The following CFAP210 variants were observed in gnomAD, a reference collection of about 807,000 sequenced individuals.
CFAP210 encodes the protein cilia- and flagella- associated protein 210.
the CFAP210 span, among the ~76,000 whole-genome samples, chr2:169,667,295 T>G: frequency 7.2e-5 from 11 of 151,962 alleles, no homozygotes; most frequent in Admixed American, 1.3e-4. Context: ...CCCGCCACCA[T>G]GCCTGGCTAA....
chr2:169,686,402 C>G, the CFAP210 span, among the ~76,000 whole-genome samples: 1 of 135,248 alleles, frequency 7.4e-6, no homozygotes, highest in Non-Finnish European at 1.6e-5. Flanking sequence ...GTATTGCCAT[C>G]TGTCTTAGTC....
chr2:169,648,958 T>C, the CFAP210 span, among the ~76,000 whole-genome samples: 13 of 152,308 alleles, frequency 8.5e-5, no homozygotes, highest in Non-Finnish European at 1.8e-4. Context: ...TGAAGTATAA[T>C]AGACACTAAA....
At chr2:169,671,277 C>T in the CFAP210 span, among the ~76,000 whole-genome samples, 4 of 152,148 alleles carry the variant, frequency 2.6e-5, no homozygotes, top group Non-Finnish European at 4.4e-5. Context: ...CTCTACAGCC[C>T]ACTTTTAGCA....
chr2:169,660,324 A>G, the CFAP210 span, among the ~76,000 whole-genome samples: 1 of 151,482 alleles, frequency 6.6e-6, no homozygotes, highest in African/African-American at 2.4e-5. Context: ...CAGGAGGCAG[A>G]GGTTGCAGTG....
chr2:169,688,916 G>A, the CFAP210 span, among the ~76,000 whole-genome samples: 10 of 152,126 alleles, frequency 6.6e-5, no homozygotes, highest in East Asian at 1.9e-4. Context: ...GTATTAGTCC[G>A]TTTTCACACT....
the CFAP210 span, among the ~76,000 whole-genome samples, chr2:169,654,804 T>G: frequency 6.6e-6 from 1 of 152,056 alleles, no homozygotes; most frequent in Non-Finnish European, 1.5e-5. Flanking sequence ...AATATAAAGT[T>G]CATTTAATGT....
At chr2:169,686,942 C>T in the CFAP210 span, among the ~76,000 whole-genome samples, 1 of 152,168 alleles carries the variant, frequency 6.6e-6, no homozygotes, top group African/African-American at 2.4e-5. Context: ...ACTTACAGTT[C>T]CACATGGCTG....
chr2:169,657,068 C>T, the CFAP210 span, among the ~76,000 whole-genome samples: 9 of 151,310 alleles, frequency 5.9e-5, no homozygotes, highest in Admixed American at 3.9e-4. Context: ...TTACCAGACA[C>T]CCCTGCACTT....
At chr2:169,653,030 ATATATATAT>A in the CFAP210 span, among the ~76,000 whole-genome samples, 35 of 9,040 alleles carry the variant, frequency 3.9e-3, no homozygotes, top group African/African-American at 8.8e-3. Context: ...AAAAAAAAAA[ATATATATAT>A]ATATATATAT....
chr2:169,654,296 A>G, the CFAP210 span: 9 of 1,219,670 alleles, frequency 7.4e-6, no homozygotes, highest in Non-Finnish European at 8.9e-6. Context: ...GAACCTGTCA[A>G]ATGGTCACAG....
the CFAP210 span, among the ~76,000 whole-genome samples, chr2:169,672,419 A>G: frequency 1.3e-5 from 2 of 152,202 alleles, no homozygotes; most frequent in Non-Finnish European, 2.9e-5. Context: ...GCGAAGTCCC[A>G]CAATAGTCTG....
At chr2:169,671,783 A>C in the CFAP210 span, among the ~76,000 whole-genome samples, 1 of 152,234 alleles carries the variant, frequency 6.6e-6, no homozygotes. Context: ...GAACTTCTTA[A>C]GAAGACTACA....
At chr2:169,669,808 C>T in the CFAP210 span, among the ~76,000 whole-genome samples, 1 of 149,960 alleles carries the variant, frequency 6.7e-6, no homozygotes, top group South Asian at 2.1e-4. Context: ...GCTGGAAACG[C>T]TGGAAATCAA....
the CFAP210 span, among the ~76,000 whole-genome samples, chr2:169,648,684 G>A: frequency 6.6e-6 from 1 of 152,184 alleles, no homozygotes; most frequent in Non-Finnish European, 1.5e-5. Context: ...TGACTATCAA[G>A]TGTTGATGAG....
chr2:169,677,367 T>C, the CFAP210 span, among the ~76,000 whole-genome samples: 2 of 152,206 alleles, frequency 1.3e-5, no homozygotes, highest in South Asian at 4.1e-4. Context: ...TTAAGACCAA[T>C]GGGGTTTTAT....
At chr2:169,674,891 CT>C in the CFAP210 span, 1 of 1,519,410 alleles carries the variant, frequency 6.6e-7, no homozygotes, top group South Asian at 1.3e-5. Context: ...CTCTTTCTGT[CT>C]GGTAAAATTG....
At chr2:169,679,479 C>A in the CFAP210 span, among the ~76,000 whole-genome samples, 1 of 152,008 alleles carries the variant, frequency 6.6e-6, no homozygotes, top group African/African-American at 2.4e-5. Context: ...GATATCAAGA[C>A]CATCCTGGCT....
the CFAP210 span, among the ~76,000 whole-genome samples, chr2:169,684,557 T>C: frequency 2.0e-5 from 3 of 152,362 alleles, no homozygotes; most frequent in Non-Finnish European, 4.4e-5. Context: ...AATCATACAA[T>C]ATGTGGCATT....
the CFAP210 span, chr2:169,645,893 C>G: frequency 6.2e-7 from 1 of 1,613,728 alleles, no homozygotes; most frequent in Non-Finnish European, 8.5e-7. Context: ...ATATTTTGGT[C>G]CCTGAGAGTT....
Sources: gnomAD v4.1 joint callset for allele counts (sites outside exome capture counted in the v4.1 genomes callset) on GRCh38, gnomAD v4.1.1 for gene constraint, MANE v1.5 for transcripts, NCBI Gene and HGNC (gene_info 2026-07-23, HGNC 2026-07-21) for gene names.